The following IL17D variants were observed in gnomAD, a reference collection of about 807,000 sequenced individuals.
The protein encoded by IL17D is interleukin 17D, also known as interleukin-17D.
IL17D carries 10 observed loss-of-function variants against 5.7 expected under a neutral mutation model. The observed-to-expected ratio is 1.75, with a 90% CI of 1.08 to 2.97. The LOEUF is 2.97. Ranked by LOEUF, IL17D falls within the 30% of genes most tolerant of loss-of-function variation. The pLI is 0.00. For synonymous variants in IL17D, 172 were observed against 141.7 expected, an observed-to-expected ratio of 1.21 and a Z score of -1.52; for missense variants, 354 against 292.7, an observed-to-expected ratio of 1.21 and a Z score of -1.53.
At chr13:20,707,232 G>A (rs1657369846) in intron 1 of IL17D, among the ~76,000 whole-genome samples, 1 of 152,084 alleles carries the variant, frequency 6.6e-6, no homozygotes, top group Admixed American at 6.6e-5. Context: ...AGGAGGCGGA[G>A]GTGGGAGGAT....
In IL17D at chr13:20,704,277, G is replaced by T; in HGVS notation, c.276G>T (p.Ser92=). The part of the protein sequence containing the change: ...FRPPTNLRSV[S]PWAYRISYDP... ...CGCCCACCAACCTGCGCAGCGTGTC[G>T]CCCTGGGCCTACAGGTGAGCCGCGG... is the stretch of plus-strand genomic sequence containing the variant. The change falls in exon 1 of 2, where the codon TCG becomes TCT. Residue 92 remains serine (S), a synonymous_variant. Transcript: ENST00000682841. 1 of 1,207,432 alleles carries T rather than the reference G, an allele frequency of 8.3e-7. No individual in the cohort carries two copies. The highest frequency in any genetic ancestry group is 2.4e-5 in the South Asian group (1 of 40,926). 74.8% of individuals were successfully genotyped at this position (1,207,432 alleles called of 1,614,324 possible).
In IL17D at chr13:20,712,161, T is replaced by A. The variant is rs536611550; in HGVS notation, c.290+7870T>A. Among the ~76,000 whole-genome samples the A allele has an allele frequency of 3.3e-5, 5 of 152,376 alleles. No homozygotes were observed. In the South Asian group the frequency reaches 1.0e-3, roughly 32 times the overall value. On this transcript the variant is annotated intron_variant, in intron 1 of 1. Coordinates refer to ENST00000682841, the MANE Select transcript of IL17D (RefSeq NM_001385224.1). ...ACAGACCCTGACACTCCTCCTGCAG[T>A]CACAAGGTACTGTTCGCATCACTTT...
intron 1 of IL17D, chr13:20,717,415 G>A (rs2058685830): frequency 6.6e-6 from 1 of 152,244 alleles, no homozygotes; most frequent in Non-Finnish European, 1.5e-5. Context: ...TTTCTTTTTG[G>A]TGGCAGCTTT....
At chr13:20,710,486 G>A (rs529223891) in intron 1 of IL17D, among the ~76,000 whole-genome samples, 5 of 146,012 alleles carry the variant, frequency 3.4e-5, no homozygotes, top group East Asian at 3.9e-4. Flanking sequence ...GAAATTAGCC[G>A]GGCATGGTGG....
At chr13:20,704,366 C>T (rs912651530) in intron 1 of IL17D, 75 bp downstream of exon 1, 13 of 241,908 alleles carry the variant, frequency 5.4e-5, no homozygotes, top group Non-Finnish European at 6.5e-5. Context: ...TGGGTGGGGC[C>T]GGGCCGAGGC....
Position 20,710,451 on chromosome 13 carries a change from T to TAAA in IL17D, c.290+6179_290+6181dup, listed in dbSNP as rs60458842. ...CAACATGGAGAAACCCCATCTCTAC[T>TAAA]AAAAAAAAAAAAAAAAAAAAATACG... On this transcript the variant is annotated intron_variant, in intron 1 of 1. Transcript: ENST00000682841. Among the ~76,000 whole-genome samples the TAAA allele has an allele frequency of 6.0e-4, 50 of 83,468 alleles. 3 individuals are homozygous for TAAA. The highest frequency in any genetic ancestry group is 1.3e-3 in the South Asian group (3 of 2,298). The allele number at this position is 83,468 out of a possible 152,430, so 54.8% of individuals were successfully genotyped here. A position where few individuals can be genotyped will look rare whatever the true frequency, so the allele number is the denominator to read the frequency against.
rs774917131 is a variant in IL17D, at chr13:20,721,737, T to G, written c.392T>G (p.Phe131Cys). Residue 131 changes from phenylalanine to cysteine, a missense_variant, in exon 2 of 2, where the codon TTC becomes TGC. Phe to Cys is a radical substitution (Grantham distance 205, BLOSUM62 -2). Transcript: ENST00000682841. The stretch of plus-strand genomic sequence containing the variant: ...CTGTTCGGCGAGGAGGACGTGCGCT[T>G]CCGCAGCGCCCCTGTCTACATGCCC... ...TGLFGEEDVR[F>C]RSAPVYMPTV... 1.1e-5 allele frequency: 18 copies of G among 1,610,770 alleles called. No individual in the cohort carries two copies. Among genetic ancestry groups the G allele is most frequent in the Middle Eastern group, 1.7e-4 (1 of 6,058 alleles).
At chr13:20,702,283 A>G (rs1470179975), upstream of IL17D, 1 of 152,268 alleles carries the variant, frequency 6.6e-6, no homozygotes, top group Non-Finnish European at 1.5e-5. Flanking sequence ...TGAGATTTTT[A>G]GCAGTAGATT....
intron 1 of IL17D, among the ~76,000 whole-genome samples, chr13:20,705,463 C>T (rs1011318375): frequency 1.3e-5 from 2 of 151,948 alleles, no homozygotes; most frequent in African/African-American, 4.8e-5. Flanking sequence ...TTTGGGAGGC[C>T]GAGGCAGGAG....
chr13:20,719,649 A>G (rs947250349), intron 1 of IL17D, among the ~76,000 whole-genome samples: 1 of 152,258 alleles, frequency 6.6e-6, no homozygotes, highest in African/African-American at 2.4e-5. Flanking sequence ...GGGTTCCCCA[A>G]ATGTCAGCAT....
rs2058745944 is a variant in IL17D at position 20,722,592 on chromosome 13, G to A, written c.*638G>A. The A allele has an allele frequency of 6.6e-6, 1 of 152,136 alleles. No individual in the cohort carries two copies. Among genetic ancestry groups the A allele is most frequent in the African/African-American group, 2.4e-5 (1 of 41,420 alleles). 9.4% of individuals were successfully genotyped at this position (152,136 alleles called of 1,614,324 possible). A position where few individuals can be genotyped will look rare whatever the true frequency, so the allele number is the denominator to read the frequency against. On this transcript the variant is annotated 3_prime_UTR_variant, in exon 2 of 2. Transcript: ENST00000682841. ...TTCAGCCTGTCACCGATGGCTGACTGATGAAATGGACACGTCTCATCTGAC... is the reference window on the plus strand; with the variant it reads ...TTCAGCCTGTCACCGATGGCTGACTAATGAAATGGACACGTCTCATCTGAC...
Position 20,704,130 on chromosome 13 carries a change from CG to C in IL17D, c.132del (p.Arg45AlafsTer76). 1.5e-6 allele frequency: 2 copies of C among 1,327,480 alleles called. No individual in the cohort carries two copies. The highest frequency in any genetic ancestry group is 1.9e-6 in the Non-Finnish European group (2 of 1,028,454). The allele number at this position is 1,327,480 out of a possible 1,614,324, so 82.2% of individuals were successfully genotyped here. A position where few individuals can be genotyped will look rare whatever the true frequency, so the allele number is the denominator to read the frequency against. ...RPEELLEQLY[G>X]RLAAGVLSAF... is the part of the protein sequence containing the mutation. ...CGGAGGAGCTACTGGAGCAGCTGTACGGGCGCCTGGCGGCCGGCGTGCTCAG... is the reference window on the plus strand; with the variant it reads ...CGGAGGAGCTACTGGAGCAGCTGTACGGCGCCTGGCGGCCGGCGTGCTCAG... On this transcript the variant is annotated frameshift_variant, in exon 1 of 2. Transcript: ENST00000682841. LOFTEE classifies it high-confidence loss of function.
upstream of IL17D, chr13:20,703,203 C>T (rs1329883799): frequency 9.0e-6 from 8 of 887,956 alleles, no homozygotes; most frequent in Non-Finnish European, 1.1e-5. Context: ...CGCATGCTCG[C>T]GGCTGGAAGC....
At chr13:20,720,656 C>T (rs1040077709) in intron 1 of IL17D, among the ~76,000 whole-genome samples, 1 of 152,236 alleles carries the variant, frequency 6.6e-6, no homozygotes, top group Non-Finnish European at 1.5e-5. Flanking sequence ...GCCCCATCCT[C>T]TGGCCACCCC....
Position 20,717,597 on chromosome 13 carries a change from C to A in IL17D, c.291-4039C>A, listed in dbSNP as rs939763817. Among the ~76,000 whole-genome samples the A allele has an allele frequency of 7.2e-5, 11 of 152,292 alleles. No homozygotes were observed. In the East Asian group the frequency reaches 2.1e-3, roughly 29 times the overall value. On this transcript the variant is annotated intron_variant, in intron 1 of 1. Transcript: ENST00000682841. ...CAAAGGCACAGGCCTTGTCTTTCTG[C>A]TTCTCTGGGACTGCAGGCCTCAAGC...
upstream of IL17D, chr13:20,703,306 A>G: frequency 1.0e-6 from 1 of 986,524 alleles, no homozygotes; most frequent in Non-Finnish European, 1.2e-6. Context: ...GGGGGAGAAG[A>G]TGTTGGGGGC....
chr13:20,711,364 G>A (rs946804598), intron 1 of IL17D, among the ~76,000 whole-genome samples: 4 of 152,086 alleles, frequency 2.6e-5, no homozygotes, highest in Non-Finnish European at 4.4e-5. Flanking sequence ...GTCGTCCCAC[G>A]CTGGAAGGTG....
At position 20,704,213 on chromosome 13, in the gene IL17D, G is replaced by A; in HGVS notation, c.212G>A (p.Cys71Tyr). 1.5e-6 allele frequency: 2 copies of A among 1,367,550 alleles called. No individual in the cohort carries two copies. The highest frequency in any genetic ancestry group is 1.9e-6 in the Non-Finnish European group (2 of 1,055,668). 84.7% of individuals were successfully genotyped at this position (1,367,550 alleles called of 1,614,324 possible). The change falls in exon 1 of 2, where the codon TGC (cysteine) becomes TAC (tyrosine). Residue 71 changes from cysteine (C) to tyrosine (Y), a missense_variant. Cys to Tyr is a radical substitution (Grantham distance 194). Transcript: ENST00000682841. ...GPREQARNAS[C>Y]PAGGRPADRR... ...CGTGAGCAGGCGCGCAACGCGAGCT[G>A]CCCGGCAGGGGGCAGGCCCGCCGAC...
intron 1 of IL17D, chr13:20,714,141 C>A (rs1188920640): frequency 3.9e-5 from 6 of 152,184 alleles, no homozygotes; most frequent in African/African-American, 7.2e-5. Flanking sequence ...CAAAATAAAA[C>A]CCTTCAAGAA....
Sources: allele counts gnomAD v4.1 joint callset (sites outside exome capture counted in the v4.1 genomes callset), GRCh38; gene constraint gnomAD v4.1.1; transcripts MANE v1.5; gene names NCBI Gene and HGNC (gene_info 2026-07-23, HGNC 2026-07-21).